Variants in MGAT4C observed in about 807,000 individuals in gnomAD.
MGAT4C encodes alpha-1,3-mannosyl-glycoprotein 4-beta-N-acetylglucosaminyltransferase C.
MGAT4C carries 19 observed loss-of-function variants against 40.1 expected under a neutral mutation model. The ratio of observed to expected loss-of-function variants is 0.47; its 90% confidence interval spans 0.33 to 0.70. The LOEUF (loss-of-function observed/expected upper bound fraction) is 0.70, where lower values mean the gene tolerates loss of function less well. Among genes scored for constraint, MGAT4C ranks in the 30% least tolerant of loss-of-function variants. The probability of loss-of-function intolerance (pLI) is 0.02; values close to 1 mark genes in which losing one functional copy is unlikely to be tolerated. For synonymous variants in MGAT4C, 181 were observed against 187.1 expected (o/e 0.97, Z 0.27); for missense variants, 491 against 563.2 (o/e 0.87, Z 1.30).
At chr12:86,399,516 C>T (rs1227378579) in intron 3 of MGAT4C, among the ~76,000 whole-genome samples, 6 of 151,880 alleles carry the variant, frequency 4.0e-5, no homozygotes, top group African/African-American at 4.8e-5. Flanking sequence ...CTCCTGACCT[C>T]GTGATCTGCC....
chr12:86,189,891 T>G (rs370395750), intron 1 of MGAT4C, among the ~76,000 whole-genome samples: 23 of 152,164 alleles, frequency 1.5e-4, no homozygotes, highest in African/African-American at 5.5e-4. Flanking sequence ...TTCCTTTTGA[T>G]GGTATAATGT....
intron 1 of MGAT4C, among the ~76,000 whole-genome samples, chr12:86,112,109 C>T (rs1400730237): frequency 6.6e-6 from 1 of 151,614 alleles, no homozygotes; most frequent in Non-Finnish European, 1.5e-5. Flanking sequence ...GACTGAAGTG[C>T]ATATCATCTA....
At chr12:86,768,686 C>A (rs974629774) in intron 1 of MGAT4C, among the ~76,000 whole-genome samples, 1 of 152,076 alleles carries the variant, frequency 6.6e-6, no homozygotes, top group Non-Finnish European at 1.5e-5. Context: ...ATCAATGGAA[C>A]AGAATAGAGC....
chr12:86,619,144 T>A (rs1962558784), intron 2 of MGAT4C, among the ~76,000 whole-genome samples: 1 of 152,104 alleles, frequency 6.6e-6, no homozygotes, highest in African/African-American at 2.4e-5. Flanking sequence ...TATAAGGAAC[T>A]TGAACATTTA....
chr12:86,615,110 T>G (rs1261965848), intron 2 of MGAT4C, among the ~76,000 whole-genome samples: 2 of 151,974 alleles, frequency 1.3e-5, no homozygotes, highest in Non-Finnish European at 2.9e-5. Context: ...TGAGGATAGA[T>G]CCATTATTTT....
chr12:86,280,788 C>G (rs1020148371), intron 4 of MGAT4C, among the ~76,000 whole-genome samples: 2 of 151,508 alleles, frequency 1.3e-5, no homozygotes, highest in South Asian at 4.2e-4. Flanking sequence ...TTCACTTTTG[C>G]TGACTTTATT....
rs1882870860 is a variant in MGAT4C at position 85,957,657 on chromosome 12, C to CAAAAAAAAAAAAAAAGA, written c.*21631_*21632insTCTTTTTTTTTTTTTTT. ...TTTACTGTAGAGTTGAATAAGAAAG[C>CAAAAAAAAAAAAAAAGA]AAAAAAAAAAAAAAAAGAAAAAAGA... is the stretch of plus-strand genomic sequence containing the variant. On this transcript the variant is annotated 3_prime_UTR_variant, in exon 5 of 5. Transcript: ENST00000611864. The CAAAAAAAAAAAAAAAGA allele has an allele frequency of 2.3e-4, 23 of 101,300 alleles. No homozygotes were observed. Among genetic ancestry groups the CAAAAAAAAAAAAAAAGA allele is most frequent in the Admixed American group, 6.4e-4 (6 of 9,392 alleles). The allele number at this position is 101,300 out of a possible 1,614,324, so 6.3% of individuals were successfully genotyped here.
rs1220638088 is a variant in MGAT4C at position 85,975,320 on chromosome 12, T to A, written c.*3969A>T. 6.6e-6 allele frequency: 1 copy of A among 151,044 alleles called. No homozygotes were observed. Among genetic ancestry groups the A allele is most frequent in the Non-Finnish European group, 1.5e-5 (1 of 67,174 alleles). The allele number at this position is 151,044 out of a possible 1,614,324, so 9.4% of individuals were successfully genotyped here. A position where few individuals can be genotyped will look rare whatever the true frequency, so the allele number is the denominator to read the frequency against. The stretch of plus-strand genomic sequence containing the variant: ...TCTGGTAATGTTTTCCAGGGTCATA[T>A]CCTGTTACATATACGTGACATGGAT... On this transcript the variant is annotated 3_prime_UTR_variant, in exon 5 of 5. Transcript: ENST00000611864.
At chr12:86,684,402 G>A (rs1565923910) in intron 2 of MGAT4C, among the ~76,000 whole-genome samples, 1 of 152,170 alleles carries the variant, frequency 6.6e-6, no homozygotes, top group Non-Finnish European at 1.5e-5. Context: ...TGGTATATAT[G>A]TGCCACATTT....
intron 2 of MGAT4C, among the ~76,000 whole-genome samples, chr12:86,437,169 T>C (rs944134532): frequency 4.0e-5 from 6 of 151,830 alleles, no homozygotes; most frequent in African/African-American, 1.4e-4. Context: ...AAAAACAGTA[T>C]TGCTGAAAAT....
intron 1 of MGAT4C, among the ~76,000 whole-genome samples, chr12:86,811,437 C>T (rs1475652269): frequency 6.8e-6 from 1 of 147,026 alleles, no homozygotes; most frequent in African/African-American, 2.5e-5. Context: ...CCACCTCCTA[C>T]GTTAGGTAAT....
chr12:86,073,767 C>A (rs1408431852), intron 1 of MGAT4C, among the ~76,000 whole-genome samples: 1 of 152,166 alleles, frequency 6.6e-6, no homozygotes, highest in Non-Finnish European at 1.5e-5. Context: ...AAGTAACTAG[C>A]TTGCTTTTGA....
At chr12:86,383,823 G>A (rs140037888) in intron 3 of MGAT4C, among the ~76,000 whole-genome samples, 2 of 152,102 alleles carry the variant, frequency 1.3e-5, no homozygotes, top group Admixed American at 1.3e-4. Context: ...AAGACTTTTG[G>A]GGGATTGTTG....
rs1175835145 is a variant in MGAT4C, at chr12:85,959,088, A to G, written c.*20201T>C. The G allele has an allele frequency of 6.6e-6, 1 of 151,256 alleles. No homozygotes were observed. The highest frequency in any genetic ancestry group is 1.5e-5 in the Non-Finnish European group (1 of 67,858). The allele number at this position is 151,256 out of a possible 1,614,324, so 9.4% of individuals were successfully genotyped here. On this transcript the variant is annotated 3_prime_UTR_variant, in exon 5 of 5. Transcript: ENST00000611864. Reference sequence around the variant, plus strand: ...AATACAATACAATACAATACAATACATGTAGACTCAGCATCCAAACTTTAT... The same window carrying G: ...AATACAATACAATACAATACAATACGTGTAGACTCAGCATCCAAACTTTAT...
chr12:86,303,744 A>G (rs945573914), intron 4 of MGAT4C, among the ~76,000 whole-genome samples: 5 of 150,580 alleles, frequency 3.3e-5, no homozygotes, highest in African/African-American at 1.3e-4. Flanking sequence ...TTAAAATTAT[A>G]TTACTTATGA....
chr12:86,269,013 C>CATATATAT (rs60328579), intron 4 of MGAT4C, among the ~76,000 whole-genome samples: 6 of 74,690 alleles, frequency 8.0e-5, no homozygotes, highest in Admixed American at 1.5e-4. Flanking sequence ...TTCATACTTA[C>CATATATAT]ATATATATAT....
chr12:86,284,184 T>C (rs1178850314), intron 4 of MGAT4C, among the ~76,000 whole-genome samples: 1 of 152,014 alleles, frequency 6.6e-6, no homozygotes, highest in Non-Finnish European at 1.5e-5. Flanking sequence ...ACAGGTTGTC[T>C]CATTTAAAAA....
intron 2 of MGAT4C, among the ~76,000 whole-genome samples, chr12:86,568,468 G>T (rs1023357636): frequency 8.6e-5 from 13 of 151,192 alleles, no homozygotes; most frequent in African/African-American, 2.9e-4. Context: ...TGGCTTCCTT[G>T]CTCCTCAGCT....
At chr12:86,208,349 C>A (rs1950340869) in intron 1 of MGAT4C, among the ~76,000 whole-genome samples, 1 of 152,146 alleles carries the variant, frequency 6.6e-6, no homozygotes, top group Non-Finnish European at 1.5e-5. Flanking sequence ...CGCCTGTAAT[C>A]CCAGCTACTC....
Sources: gnomAD v4.1 joint callset for allele counts (sites outside exome capture counted in the v4.1 genomes callset) on GRCh38, gnomAD v4.1.1 for gene constraint, MANE v1.5 for transcripts, NCBI Gene and HGNC (gene_info 2026-07-23, HGNC 2026-07-21) for gene names.